Variants in PDE1C observed in about 807,000 individuals in gnomAD.
PDE1C encodes the protein dual specificity calcium/calmodulin-dependent 3',5'-cyclic nucleotide phosphodiesterase 1C.
In PDE1C, 62 loss-of-function variants were observed where a neutral mutation model predicts 93.1. The observed-to-expected ratio is 0.67, with a 90% CI of 0.54 to 0.82. PDE1C has a LOEUF of 0.82. Among genes scored for constraint, PDE1C ranks in the 40% least tolerant of loss-of-function variants. PDE1C has a pLI of 0.00. For synonymous variants in PDE1C, 325 were observed against 310.1 expected (o/e 1.05, Z -0.50); for missense variants, 742 against 884.6 (o/e 0.84, Z 2.04).
At chr7:31,802,782 C>T (rs1483249585) in intron 16 of PDE1C, among the ~76,000 whole-genome samples, 1 of 151,684 alleles carries the variant, frequency 6.6e-6, no homozygotes, top group Non-Finnish European at 1.5e-5. Context: ...TACTGTCATC[C>T]TTATGTTTGT....
At chr7:32,422,970 T>A (rs1156942325) in intron 1 of PDE1C, among the ~76,000 whole-genome samples, 1 of 152,130 alleles carries the variant, frequency 6.6e-6, no homozygotes, top group Non-Finnish European at 1.5e-5. Flanking sequence ...GCTAACACAA[T>A]ACACCCAATA....
At chr7:32,215,256 G>A (rs1219915368) in intron 1 of PDE1C, among the ~76,000 whole-genome samples, 8 of 152,140 alleles carry the variant, frequency 5.3e-5, no homozygotes, top group African/African-American at 1.9e-4. Flanking sequence ...AACTGTGCAT[G>A]TGAGGGATCT....
chr7:31,631,172 T>C, the PDE1C span, among the ~76,000 whole-genome samples: 1 of 152,144 alleles, frequency 6.6e-6, no homozygotes, highest in Admixed American at 6.6e-5. Flanking sequence ...CCTTCCAAAC[T>C]GCGGAAGAGC....
the PDE1C span, among the ~76,000 whole-genome samples, chr7:31,651,694 T>G: frequency 6.6e-6 from 1 of 152,124 alleles, no homozygotes; most frequent in East Asian, 1.9e-4. Flanking sequence ...GATTACACAA[T>G]TTGGTAAATT....
At chr7:31,985,000 C>T (rs957669431) in intron 2 of PDE1C, among the ~76,000 whole-genome samples, 2 of 152,068 alleles carry the variant, frequency 1.3e-5, no homozygotes, top group African/African-American at 4.8e-5. Flanking sequence ...GAAGGAAACA[C>T]GACCTTTCCT....
At chr7:31,899,965 A>G (rs1459537738) in intron 2 of PDE1C, among the ~76,000 whole-genome samples, 1 of 152,108 alleles carries the variant, frequency 6.6e-6, no homozygotes, top group Non-Finnish European at 1.5e-5. Flanking sequence ...TAAACATTCC[A>G]CAATACACAG....
intron 16 of PDE1C, among the ~76,000 whole-genome samples, chr7:31,805,759 A>G (rs1208687621): frequency 1.3e-5 from 2 of 151,322 alleles, no homozygotes. Context: ...GTCTTCTTGG[A>G]TTTTTATCCA....
chr7:32,120,036 A>G (rs1210416826), intron 3 of PDE1C, among the ~76,000 whole-genome samples: 6 of 152,302 alleles, frequency 3.9e-5, no homozygotes, highest in African/African-American at 1.4e-4. Context: ...GCTCCAGGTC[A>G]CGCTTTTCCC....
At chr7:31,634,210 C>T in the PDE1C span, among the ~76,000 whole-genome samples, 3 of 152,082 alleles carry the variant, frequency 2.0e-5, no homozygotes, top group African/African-American at 4.8e-5. Flanking sequence ...GCAGGGTCCC[C>T]CTAATTGGGA....
chr7:31,761,671 C>G (rs1794840576), intron 17 of PDE1C, among the ~76,000 whole-genome samples: 1 of 152,136 alleles, frequency 6.6e-6, no homozygotes, highest in African/African-American at 2.4e-5. Context: ...AATTTGTACC[C>G]CAGATCACTT....
chr7:31,683,872 A>C, the PDE1C span, among the ~76,000 whole-genome samples: 1 of 152,250 alleles, frequency 6.6e-6, no homozygotes, highest in Admixed American at 6.5e-5. Flanking sequence ...ATTAAAGTGA[A>C]ATATATTCAT....
intron 1 of PDE1C, among the ~76,000 whole-genome samples, chr7:32,281,107 G>A (rs1325419291): frequency 5.3e-5 from 8 of 151,840 alleles, no homozygotes; most frequent in Non-Finnish European, 1.2e-4. Context: ...TAAATTTAGG[G>A]AAAAAACAAT....
intron 1 of PDE1C, among the ~76,000 whole-genome samples, chr7:32,282,319 A>C (rs62457500): frequency 0.076 from 11,480 of 151,872 alleles, 581 homozygotes; most frequent in Non-Finnish European, 0.1. Flanking sequence ...TCTACTAAAA[A>C]TACAAAATTA....
chr7:31,643,515 C>A, the PDE1C span: 2 of 1,614,014 alleles, frequency 1.2e-6, no homozygotes, highest in Admixed American at 3.3e-5. Context: ...TGTCCTCCAG[C>A]CTGGTGTCGG....
intron 2 of PDE1C, among the ~76,000 whole-genome samples, chr7:32,040,651 T>C (rs1301236279): frequency 2.0e-5 from 3 of 152,208 alleles, no homozygotes; most frequent in Admixed American, 6.5e-5. Flanking sequence ...TGTTGTTTAC[T>C]CTGTGATAGT....
chr7:32,127,095 G>A (rs1584812293), intron 3 of PDE1C, among the ~76,000 whole-genome samples: 1 of 152,164 alleles, frequency 6.6e-6, no homozygotes, highest in South Asian at 2.1e-4. Flanking sequence ...TGCCTGACTG[G>A]CTTGAGTTGG....
chr7:32,057,052 T>C lies in PDE1C; in HGVS notation c.102-5472A>G, dbSNP rs1238178199. Reference sequence around the variant, plus strand: ...CCCCTTAAATGTCAAAGCTGAGCCATTGCCCAAAAGGCAGGAGAAAAGAAA... The same window carrying C: ...CCCCTTAAATGTCAAAGCTGAGCCACTGCCCAAAAGGCAGGAGAAAAGAAA... On this transcript the variant is annotated intron_variant, in intron 1 of 17. Coordinates refer to ENST00000396191, the MANE Select transcript of PDE1C (RefSeq NM_001191057.4). Among the ~76,000 whole-genome samples, 5 of 152,158 alleles carry C rather than the reference T, an allele frequency of 3.3e-5. No homozygotes were observed. The South Asian group carries it at 8.3e-4, about 25-fold the overall frequency.
intron 2 of PDE1C, among the ~76,000 whole-genome samples, chr7:31,922,314 C>G (rs899309487): frequency 1.3e-5 from 2 of 152,156 alleles, no homozygotes; most frequent in Non-Finnish European, 2.9e-5. Flanking sequence ...TTGCCCCTAG[C>G]AAGAATTCTC....
intron 2 of PDE1C, among the ~76,000 whole-genome samples, chr7:31,955,188 T>G (rs1216548722): frequency 6.6e-6 from 1 of 152,216 alleles, no homozygotes; most frequent in Non-Finnish European, 1.5e-5. Flanking sequence ...GATGTAGGGC[T>G]GTTTATCTTG....
Sources: gnomAD v4.1 joint callset for allele counts (sites outside exome capture counted in the v4.1 genomes callset) on GRCh38, gnomAD v4.1.1 for gene constraint, MANE v1.5 for transcripts, NCBI Gene and HGNC (gene_info 2026-07-23, HGNC 2026-07-21) for gene names.